Variants in GRID2 observed in about 807,000 individuals in gnomAD.
GRID2 encodes the protein glutamate receptor ionotropic, delta-2.
GRID2 carries 33 observed loss-of-function variants against 114.8 expected under a neutral mutation model. The ratio of observed to expected loss-of-function variants is 0.29; its 90% confidence interval spans 0.22 to 0.38. The LOEUF (loss-of-function observed/expected upper bound fraction) is 0.38, where lower values mean the gene tolerates loss of function less well. Ranked by LOEUF, GRID2 falls within the 10% of genes least tolerant of loss-of-function variation. The probability of loss-of-function intolerance (pLI) is 1.00; values close to 1 mark genes in which losing one functional copy is unlikely to be tolerated. For missense variants in GRID2, 1,184 were observed against 1,257.7 expected, an observed-to-expected ratio of 0.94 and a Z score of 0.89; for synonymous variants, 505 against 449.9, an observed-to-expected ratio of 1.12 and a Z score of -1.55.
At chr4:93,785,455 T>A (rs112310707) in intron 1 of GRID2, among the ~76,000 whole-genome samples, 125 of 152,260 alleles carry the variant, frequency 8.2e-4, no homozygotes, top group African/African-American at 2.9e-3. Context: ...AATAGAGGTT[T>A]TTCAGATCAT....
intron 2 of GRID2, among the ~76,000 whole-genome samples, chr4:92,853,098 C>T (rs568047348): frequency 6.6e-6 from 1 of 152,068 alleles, no homozygotes; most frequent in African/African-American, 2.4e-5. Flanking sequence ...TCACATAGAC[C>T]ATGACTCAAG....
intron 2 of GRID2, among the ~76,000 whole-genome samples, chr4:92,924,703 G>A (rs899514902): frequency 8.5e-5 from 13 of 152,092 alleles, no homozygotes; most frequent in African/African-American, 2.4e-4. Flanking sequence ...CATATGCCAT[G>A]TCTCTAAACC....
intron 13 of GRID2, among the ~76,000 whole-genome samples, chr4:93,547,591 C>G (rs1038461567): frequency 5.3e-5 from 8 of 152,262 alleles, no homozygotes; most frequent in African/African-American, 1.9e-4. Flanking sequence ...TAATTATTAT[C>G]TCTAAGTTAC....
chr4:93,014,925 C>T (rs779929362), intron 2 of GRID2, among the ~76,000 whole-genome samples: 5 of 152,044 alleles, frequency 3.3e-5, no homozygotes, highest in Admixed American at 1.3e-4. Flanking sequence ...GTGTTATTCA[C>T]TACTCTAGAT....
At chr4:92,768,081 TA>T (rs1463895600) in intron 2 of GRID2, among the ~76,000 whole-genome samples, 4 of 152,136 alleles carry the variant, frequency 2.6e-5, no homozygotes, top group Non-Finnish European at 5.9e-5. Flanking sequence ...TGAGCAATAC[TA>T]AAAGAAAGTT....
At chr4:93,110,047 GTTAC>G (rs1732618274) in intron 3 of GRID2, among the ~76,000 whole-genome samples, 1 of 152,058 alleles carries the variant, frequency 6.6e-6, no homozygotes, top group Non-Finnish European at 1.5e-5. Flanking sequence ...AATCAAAAAT[GTTAC>G]TTAATATTTT....
At chr4:93,793,423 G>C (rs1041700459) in intron 1 of GRID2, among the ~76,000 whole-genome samples, 2 of 152,060 alleles carry the variant, frequency 1.3e-5, no homozygotes, top group African/African-American at 4.8e-5. Context: ...CATTGTTCTA[G>C]AACAATGCCC....
chr4:93,595,083 C>G (rs927521597), intron 13 of GRID2, among the ~76,000 whole-genome samples: 3 of 152,022 alleles, frequency 2.0e-5, no homozygotes, highest in Non-Finnish European at 4.4e-5. Context: ...CCTCCCTCCA[C>G]TCCCCTGCTT....
intron 1 of GRID2, among the ~76,000 whole-genome samples, chr4:92,580,802 T>A (rs556181248): frequency 2.6e-5 from 4 of 152,074 alleles, no homozygotes; most frequent in African/African-American, 9.6e-5. Context: ...AAGAAAAATG[T>A]TAAATCTGTT....
intron 2 of GRID2, among the ~76,000 whole-genome samples, chr4:92,798,108 T>C (rs953031422): frequency 1.3e-5 from 2 of 152,056 alleles, no homozygotes; most frequent in Non-Finnish European, 2.9e-5. Flanking sequence ...TTGTTTTTAA[T>C]ATTTTCATTC....
intron 2 of GRID2, among the ~76,000 whole-genome samples, chr4:93,015,785 A>C (rs1722632072): frequency 6.6e-6 from 1 of 152,148 alleles, no homozygotes; most frequent in Non-Finnish European, 1.5e-5. Flanking sequence ...GAACCTGGAT[A>C]ATCTTGGCAA....
At chr4:92,338,571 ATCTC>A in intron 1 of GRID2, among the ~76,000 whole-genome samples, 1 of 152,236 alleles carries the variant, frequency 6.6e-6, no homozygotes, top group East Asian at 1.9e-4. Context: ...TATATATAGT[ATCTC>A]TCAGTTTTAT....
intron 2 of GRID2, among the ~76,000 whole-genome samples, chr4:92,974,539 G>T (rs1210780048): frequency 1.3e-5 from 2 of 152,062 alleles, no homozygotes; most frequent in Non-Finnish European, 2.9e-5. Flanking sequence ...CCATTGCAGG[G>T]ACATGGATGA....
At chr4:93,057,395 G>A (rs920436853) in intron 2 of GRID2, among the ~76,000 whole-genome samples, 4 of 151,812 alleles carry the variant, frequency 2.6e-5, no homozygotes, top group Non-Finnish European at 5.9e-5. Context: ...AGAAAAAGTC[G>A]AGAGACACTT....
At chr4:92,773,499 G>A (rs1056960819) in intron 2 of GRID2, among the ~76,000 whole-genome samples, 3 of 152,038 alleles carry the variant, frequency 2.0e-5, no homozygotes, top group African/African-American at 7.2e-5. Flanking sequence ...CACATTTGAA[G>A]ATACTTCTTT....
chr4:92,942,280 T>C (rs960023142), intron 2 of GRID2, among the ~76,000 whole-genome samples: 3 of 150,980 alleles, frequency 2.0e-5, no homozygotes, highest in African/African-American at 7.3e-5. Context: ...ATATTTAGGA[T>C]AGTTAGCTCT....
chr4:93,515,188 G>A, intron 12 of GRID2, 28 bp from the exon 13 acceptor site: 2 of 1,148,660 alleles, frequency 1.7e-6, no homozygotes, highest in Non-Finnish European at 2.5e-6. Context: ...TGTGTCTCTT[G>A]TGTCTCTCTT....
intron 1 of GRID2, among the ~76,000 whole-genome samples, chr4:93,783,922 A>T (rs1734533652): frequency 6.7e-6 from 1 of 150,284 alleles, no homozygotes; most frequent in Non-Finnish European, 1.5e-5. Flanking sequence ...AATACAAAAA[A>T]TTAGCCAGGC....
intron 2 of GRID2, among the ~76,000 whole-genome samples, chr4:92,740,697 TA>T (rs1553922570): frequency 0.028 from 2,782 of 99,662 alleles, 46 homozygotes; most frequent in African/African-American, 0.079. Flanking sequence ...AGATGATAGA[TA>T]GATAGATAGA....
Sources: gnomAD v4.1 joint callset for allele counts (sites outside exome capture counted in the v4.1 genomes callset) on GRCh38, gnomAD v4.1.1 for gene constraint, MANE v1.5 for transcripts, NCBI Gene and HGNC (gene_info 2026-07-23, HGNC 2026-07-21) for gene names.